KIT: variants seen among roughly 807,000 people sequenced by gnomAD.
KIT encodes mast/stem cell growth factor receptor Kit.
A neutral mutation model predicts 105.7 loss-of-function variants in KIT; 16 were observed. That is an observed-to-expected ratio of 0.15 (90% confidence interval 0.10 to 0.23). The LOEUF (loss-of-function observed/expected upper bound fraction) is 0.23, where lower values mean the gene tolerates loss of function less well. Ranked by LOEUF, KIT falls within the 10% of genes least tolerant of loss-of-function variation. The pLI, the probability that KIT is intolerant of heterozygous loss-of-function variation, is 1.00. For synonymous variants in KIT, 438 were observed against 441.1 expected (o/e 0.99, Z 0.09); for missense variants, 858 against 1,213.8 (o/e 0.71, Z 4.36).
rs768847037 is a variant in KIT, at chr4:54,729,448, C to G, written c.2104C>G (p.Leu702Val). 14 of 1,613,632 alleles carry G rather than the reference C, an allele frequency of 8.7e-6. No homozygotes were observed. The Admixed American group carries it at 1.5e-4, about 17-fold the overall frequency. Residue 702 changes from leucine (L) to valine (V), a missense_variant, in exon 14 of 21, where the codon CTT becomes GTT. Physicochemically the swap from Leu to Val is conservative, Grantham distance 32. This residue lies in a region of KIT where 158 missense variants were observed against 218.7 expected (regional missense o/e 0.72). Transcript: ENST00000288135. Reference sequence around the variant, plus strand: ...GCAGGAAGATCATGCAGAAGCTGCACTTTATAAGAATCTTCTGCATTCAAA... The same window carrying G: ...GCAGGAAGATCATGCAGAAGCTGCAGTTTATAAGAATCTTCTGCATTCAAA... ...SKQEDHAEAALYKNLLHSKES... is the reference protein window; with the variant it reads ...SKQEDHAEAAVYKNLLHSKES...
chr4:54,716,231 C>CT (rs1721489152), intron 7 of KIT, among the ~76,000 whole-genome samples: 1 of 151,906 alleles, frequency 6.6e-6, no homozygotes, highest in Admixed American at 6.6e-5. Context: ...AATAAAGTGC[C>CT]GAATAGAACT....
intron 2 of KIT, chr4:54,696,052 G>T: frequency 1.9e-6 from 1 of 519,996 alleles, no homozygotes; most frequent in East Asian, 3.3e-5. Flanking sequence ...GGTGCTTTGA[G>T]TAAACCCTGA....
intron 1 of KIT, among the ~76,000 whole-genome samples, chr4:54,674,889 T>C (rs989189522): frequency 3.3e-5 from 5 of 152,344 alleles, no homozygotes; most frequent in Admixed American, 2.0e-4. Context: ...GTGAGATTCC[T>C]TGAGTTCTGA....
At chr4:54,736,631 A>ACAACTT in intron 18 of KIT, 22 bp downstream of exon 18, 1 of 1,604,286 alleles carries the variant, frequency 6.2e-7, no homozygotes, top group Non-Finnish European at 8.5e-7. Flanking sequence ...CTTGCCAAAG[A>ACAACTT]CAACTTCATT....
chr4:54,714,738 C>T (rs3134888), intron 7 of KIT, among the ~76,000 whole-genome samples: 146,463 of 152,262 alleles, frequency 0.96, 70,730 homozygotes, highest in Middle Eastern at 1. Context: ...ATGTGGCAAA[C>T]GGTATTTACG....
In KIT at chr4:54,658,001, T is replaced by G; in HGVS notation, c.-14T>G. 1 of 1,613,142 alleles carries G rather than the reference T, an allele frequency of 6.2e-7. No individual in the cohort carries two copies. Among genetic ancestry groups the G allele is most frequent in the Non-Finnish European group, 8.5e-7 (1 of 1,179,340 alleles). The stretch of plus-strand genomic sequence containing the variant: ...AACGTGGACCAGAGCTCGGATCCCA[T>G]CGCAGCTACCGCGATGAGAGGCGCT... On this transcript the variant is annotated 5_prime_UTR_variant, in exon 1 of 21. Transcript: ENST00000288135.
At chr4:54,731,287 G>A in intron 14 of KIT, 41 bp from the exon 15 acceptor site, 2 of 1,408,172 alleles carry the variant, frequency 1.4e-6, no homozygotes, top group South Asian at 1.2e-5. Context: ...CCTTCTACAT[G>A]TCCCACTTGA....
At chr4:54,709,708 A>T in intron 7 of KIT, 169 bp downstream of exon 7, 1 of 682,036 alleles carries the variant, frequency 1.5e-6, no homozygotes, top group Non-Finnish European at 2.7e-6. Flanking sequence ...TCAAAAAACC[A>T]GTTCCTTGTC....
chr4:54,667,150 T>G (rs956614765), intron 1 of KIT, among the ~76,000 whole-genome samples: 1 of 152,160 alleles, frequency 6.6e-6, no homozygotes, highest in Non-Finnish European at 1.5e-5. Flanking sequence ...TTCTCTTGAT[T>G]ACTCAGGGGT....
At chr4:54,737,937 C>A (rs1336740001) in intron 20 of KIT, among the ~76,000 whole-genome samples, 1 of 152,160 alleles carries the variant, frequency 6.6e-6, no homozygotes, top group East Asian at 1.9e-4. Context: ...GCTATCTTTT[C>A]TTTCCTAATA....
At chr4:54,729,718 A>G (rs1722472501) in intron 14 of KIT, among the ~76,000 whole-genome samples, 1 of 152,174 alleles carries the variant, frequency 6.6e-6, no homozygotes, top group Non-Finnish European at 1.5e-5. Context: ...GTTTTCTTCT[A>G]CACTTTAGTT....
At chr4:54,720,311 C>G (rs1387719896) in intron 7 of KIT, among the ~76,000 whole-genome samples, 1 of 152,184 alleles carries the variant, frequency 6.6e-6, no homozygotes, top group Non-Finnish European at 1.5e-5. Context: ...CAATTAGCCT[C>G]AGGTTATGAC....
chr4:54,740,362 T>A lies in KIT; in HGVS notation c.*1805T>A, dbSNP rs573802115. On this transcript the variant is annotated 3_prime_UTR_variant, in exon 21 of 21. Coordinates refer to ENST00000288135, the MANE Select transcript of KIT (RefSeq NM_000222.3). ...TAGTAAGAAAAGTGGTTGTTAGTTATAGATGTCTAGGTACTTCAGGGGCAC... is the reference window on the plus strand; with the variant it reads ...TAGTAAGAAAAGTGGTTGTTAGTTAAAGATGTCTAGGTACTTCAGGGGCAC... The A allele has an allele frequency of 8.6e-6, 2 of 233,592 alleles. No individual in the cohort carries two copies. The highest frequency in any genetic ancestry group is 3.6e-4 in the South Asian group (2 of 5,530). The allele number at this position is 233,592 out of a possible 1,614,324, so 14.5% of individuals were successfully genotyped here.
intron 14 of KIT, 139 bp downstream of exon 14, chr4:54,729,624 T>A: frequency 2.4e-6 from 2 of 832,206 alleles, no homozygotes; most frequent in East Asian, 4.9e-5. Flanking sequence ...ATCATTTAAA[T>A]GTGATTAACA....
intron 1 of KIT, among the ~76,000 whole-genome samples, chr4:54,686,338 A>G (rs1719310648): frequency 6.6e-6 from 1 of 152,210 alleles, no homozygotes; most frequent in African/African-American, 2.4e-5. Flanking sequence ...AAATTCTGTA[A>G]AATCACTAAA....
chr4:54,737,543 A>G (rs1053063524), intron 20 of KIT, among the ~76,000 whole-genome samples: 6 of 152,136 alleles, frequency 3.9e-5, no homozygotes, highest in African/African-American at 1.4e-4. Context: ...AGTTTCCATA[A>G]GGATTTGCCA....
At chr4:54,709,796 A>C (rs1721023109) in intron 7 of KIT, among the ~76,000 whole-genome samples, 1 of 152,232 alleles carries the variant, frequency 6.6e-6, no homozygotes, top group South Asian at 2.1e-4. Context: ...CAGAGGAGCC[A>C]AACAAGTTGA....
At chr4:54,703,620 A>G (rs1156822085) in intron 4 of KIT, 104 bp from the exon 5 acceptor site, 1 of 888,314 alleles carries the variant, frequency 1.1e-6, no homozygotes, top group Non-Finnish European at 1.8e-6. Flanking sequence ...GAAAGTTAAT[A>G]TGGAGAAGTT....
intron 1 of KIT, among the ~76,000 whole-genome samples, chr4:54,678,255 T>TCTTCATAG (rs373411975): frequency 5.3e-5 from 8 of 150,096 alleles, no homozygotes; most frequent in African/African-American, 2.0e-4. Flanking sequence ...CTGCCATTTT[T>TCTTCATAG]CTTCATAGCT....
Sources: gnomAD v4.1 joint callset for allele counts (sites outside exome capture counted in the v4.1 genomes callset) on GRCh38, gnomAD v4.1.1 for gene constraint, gnomAD v4.1.1 regional missense constraint, MANE v1.5 for transcripts, NCBI Gene and HGNC (gene_info 2026-07-23, HGNC 2026-07-21) for gene names.